Variants in RPS6KC1 observed in about 807,000 individuals in gnomAD.
RPS6KC1 encodes the protein inactive ribosomal protein S6 kinase delta-1.
In RPS6KC1, 54 loss-of-function variants were observed where a neutral mutation model predicts 103.8. The ratio of observed to expected loss-of-function variants is 0.52; its 90% CI spans 0.42 to 0.65. RPS6KC1 has a LOEUF of 0.65. RPS6KC1 is among the 30% of genes least tolerant of loss of function. The pLI is 0.00. For synonymous variants in RPS6KC1, 439 were observed against 438.7 expected, an observed-to-expected ratio of 1.00 and a Z score of -0.01; for missense variants, 1,151 against 1,253.8, an observed-to-expected ratio of 0.92 and a Z score of 1.24.
the RPS6KC1 span, among the ~76,000 whole-genome samples, chr1:213,778,265 G>A: frequency 3.9e-5 from 6 of 152,132 alleles, no homozygotes; most frequent in South Asian, 2.1e-4. Flanking sequence ...TCCACTTCCC[G>A]GGTGGCTATT....
At chr1:213,166,747 C>T (rs2091000685) in intron 6 of RPS6KC1, among the ~76,000 whole-genome samples, 2 of 152,122 alleles carry the variant, frequency 1.3e-5, no homozygotes, top group South Asian at 4.2e-4. Context: ...TGCAGCTTTT[C>T]GTTGAGGTCC....
At chr1:213,521,486 G>A in the RPS6KC1 span, among the ~76,000 whole-genome samples, 8 of 152,214 alleles carry the variant, frequency 5.3e-5, 1 homozygote, top group South Asian at 4.2e-4. Flanking sequence ...TGGCAACTTC[G>A]TAAGATAAGG....
chr1:213,615,458 AG>A, the RPS6KC1 span, among the ~76,000 whole-genome samples: 1 of 152,264 alleles, frequency 6.6e-6, no homozygotes, highest in Non-Finnish European at 1.5e-5. Flanking sequence ...GAAGGAAGGA[AG>A]GCTTGATGAG....
chr1:213,220,073 A>T (rs1020646616), intron 8 of RPS6KC1, among the ~76,000 whole-genome samples: 1 of 152,184 alleles, frequency 6.6e-6, no homozygotes, highest in Non-Finnish European at 1.5e-5. Flanking sequence ...TTGAATTCAG[A>T]TGGGATATAT....
the RPS6KC1 span, among the ~76,000 whole-genome samples, chr1:213,654,757 T>C: frequency 6.6e-6 from 1 of 152,214 alleles, no homozygotes; most frequent in Non-Finnish European, 1.5e-5. Flanking sequence ...TTTCTCATTA[T>C]CATTTCTTAA....
the RPS6KC1 span, among the ~76,000 whole-genome samples, chr1:213,445,923 C>T: frequency 5.9e-5 from 9 of 152,258 alleles, no homozygotes; most frequent in African/African-American, 1.9e-4. Flanking sequence ...AAGCCCTGTG[C>T]ACCGAGGAAG....
the RPS6KC1 span, among the ~76,000 whole-genome samples, chr1:213,487,046 C>T: frequency 6.6e-6 from 1 of 152,136 alleles, no homozygotes; most frequent in Non-Finnish European, 1.5e-5. Context: ...CTTTTGGGCC[C>T]ATCTACTTTG....
chr1:213,473,728 A>G, the RPS6KC1 span, among the ~76,000 whole-genome samples: 1 of 152,216 alleles, frequency 6.6e-6, no homozygotes, highest in Non-Finnish European at 1.5e-5. Flanking sequence ...TGTGAATACT[A>G]CTTAGGACTT....
intron 3 of RPS6KC1, among the ~76,000 whole-genome samples, chr1:213,099,741 C>T (rs977617551): frequency 6.6e-6 from 1 of 152,130 alleles, no homozygotes; most frequent in African/African-American, 2.4e-5. Flanking sequence ...AATGGAATCA[C>T]GCTGTACAAA....
At chr1:213,320,783 G>A in the RPS6KC1 span, among the ~76,000 whole-genome samples, 1 of 152,198 alleles carries the variant, frequency 6.6e-6, no homozygotes, top group African/African-American at 2.4e-5. Flanking sequence ...AACCCCATCT[G>A]ACCTCAGCCT....
At chr1:213,367,148 C>T in the RPS6KC1 span, among the ~76,000 whole-genome samples, 3 of 152,172 alleles carry the variant, frequency 2.0e-5, no homozygotes, top group Non-Finnish European at 2.9e-5. Context: ...GACAATATTT[C>T]ATGCATGTTC....
At chr1:213,607,728 A>ACACAC in the RPS6KC1 span, among the ~76,000 whole-genome samples, 5 of 86,910 alleles carry the variant, frequency 5.8e-5, no homozygotes, top group Admixed American at 2.0e-4. Context: ...CACACACACA[A>ACACAC]AATAAATAAA....
chr1:213,427,498 TA>T, the RPS6KC1 span, among the ~76,000 whole-genome samples: 1 of 152,242 alleles, frequency 6.6e-6, no homozygotes, highest in Non-Finnish European at 1.5e-5. Context: ...AGATGGCCTT[TA>T]TTTTATGTGC....
At chr1:213,516,090 G>C in the RPS6KC1 span, among the ~76,000 whole-genome samples, 58 of 152,306 alleles carry the variant, frequency 3.8e-4, no homozygotes, top group East Asian at 0.011. Flanking sequence ...TTTATGCTGA[G>C]ACTTGCTGAA....
chr1:213,843,841 C>G, the RPS6KC1 span, among the ~76,000 whole-genome samples: 2 of 151,964 alleles, frequency 1.3e-5, no homozygotes, highest in African/African-American at 4.8e-5. Flanking sequence ...GTTCTTTTCA[C>G]TTCTTTCTCT....
the RPS6KC1 span, among the ~76,000 whole-genome samples, chr1:213,831,430 A>C: frequency 6.6e-6 from 1 of 152,200 alleles, no homozygotes; most frequent in African/African-American, 2.4e-5. Flanking sequence ...GGTGGCCTCT[A>C]AGAGCTGCAA....
the RPS6KC1 span, among the ~76,000 whole-genome samples, chr1:213,474,654 T>C: frequency 6.6e-6 from 1 of 152,184 alleles, no homozygotes; most frequent in Non-Finnish European, 1.5e-5. Context: ...AGAGCGCATA[T>C]GTATCTGTGT....
the RPS6KC1 span, among the ~76,000 whole-genome samples, chr1:213,784,130 A>T: frequency 6.6e-6 from 1 of 152,172 alleles, no homozygotes; most frequent in African/African-American, 2.4e-5. Flanking sequence ...ACTTTCTAAC[A>T]CTTTGAGCAC....
chr1:213,849,878 A>G, the RPS6KC1 span, among the ~76,000 whole-genome samples: 1 of 152,122 alleles, frequency 6.6e-6, no homozygotes, highest in Admixed American at 6.5e-5. Flanking sequence ...TCTGGTGGAC[A>G]GGATTTTTTT....
Sources: allele counts gnomAD v4.1 joint callset (sites outside exome capture counted in the v4.1 genomes callset), GRCh38; gene constraint gnomAD v4.1.1; transcripts MANE v1.5; gene names NCBI Gene and HGNC (gene_info 2026-07-23, HGNC 2026-07-21).